The following MKRN2 variants were observed in gnomAD, a reference collection of about 807,000 sequenced individuals.
MKRN2 encodes the protein E3 ubiquitin-protein ligase makorin-2.
Under a neutral mutation model 45.4 loss-of-function variants are expected in MKRN2, and 32 were observed. The observed-to-expected ratio is 0.70, with a 90% confidence interval of 0.53 to 0.95. MKRN2 has a LOEUF of 0.95. MKRN2 is among the 40% of genes least tolerant of loss of function. MKRN2 has a pLI of 0.00. For missense variants in MKRN2, 526 were observed against 536.7 expected (o/e 0.98, Z 0.20); for synonymous variants, 206 against 192.4 (o/e 1.07, Z -0.59).
At chr3:12,570,854 G>A (rs1575519717) in intron 3 of MKRN2, among the ~76,000 whole-genome samples, 2 of 143,054 alleles carry the variant, frequency 1.4e-5, no homozygotes, top group Admixed American at 1.5e-4. Flanking sequence ...CTGCACTCCA[G>A]CCTGGATGAC....
intron 1 of MKRN2, among the ~76,000 whole-genome samples, chr3:12,557,987 T>A (rs144546560): frequency 6.6e-6 from 1 of 152,362 alleles, no homozygotes; most frequent in East Asian, 1.9e-4. Context: ...AGCTTGTGGC[T>A]TACTGGTAAT....
intron 1 of MKRN2, 132 bp from the exon 2 acceptor site, chr3:12,568,743 C>T (rs1399686642): frequency 3.4e-6 from 4 of 1,181,594 alleles, no homozygotes; most frequent in Non-Finnish European, 3.5e-6. Context: ...ATAGATCTCT[C>T]TCCAGTGCCT....
rs753601501 is a variant in MKRN2, at chr3:12,568,994, C to T, written c.146C>T (p.Thr49Ile). 37 of 1,613,810 alleles carry T rather than the reference C, an allele frequency of 2.3e-5. No individual in the cohort carries two copies. Among genetic ancestry groups the T allele is most frequent in the Admixed American group, 2.0e-4 (12 of 59,908 alleles). ...CAGAAGGGCTACTGTGCCTATGGAACTCGGTGCAGGCAAGGACTCTGCAAC... is the reference window on the plus strand; with the variant it reads ...CAGAAGGGCTACTGTGCCTATGGAATTCGGTGCAGGCAAGGACTCTGCAAC... Reference protein sequence around the residue: ...YYQKGYCAYGTRCRYDHTRPS... With the variant: ...YYQKGYCAYGIRCRYDHTRPS... Residue 49 changes from threonine to isoleucine, a missense_variant, in exon 2 of 8, where the codon ACT (threonine) becomes ATT (isoleucine). Physicochemically the swap from Thr to Ile is moderately conservative, Grantham distance 89 (BLOSUM62 -1). Coordinates refer to ENST00000170447, the MANE Select transcript of MKRN2 (RefSeq NM_014160.5).
chr3:12,569,205 AGGCT>A (rs2125303325), intron 2 of MKRN2, among the ~76,000 whole-genome samples: 1 of 151,428 alleles, frequency 6.6e-6, no homozygotes, highest in African/African-American at 2.4e-5. Context: ...ACTGTTGCCC[AGGCT>A]GGAGGGCAGT....
At position 12,557,129 on chromosome 3, in the gene MKRN2, A is replaced by G. The variant is rs1228704740; in HGVS notation, c.-22A>G. The G allele has an allele frequency of 4.0e-6, 6 of 1,498,836 alleles. No homozygotes were observed. The highest frequency in any genetic ancestry group is 1.5e-5 in the African/African-American group (1 of 68,878). 92.8% of individuals were successfully genotyped at this position (1,498,836 alleles called of 1,614,324 possible). On this transcript the variant is annotated 5_prime_UTR_variant, in exon 1 of 8. Transcript: ENST00000170447. ...GGCTGCGAGAGGCGGCGGCACGACG[A>G]CGGTCCCTCAGCCCAGCCACCATGA...
At chr3:12,559,529 A>C (rs1323338448) in intron 1 of MKRN2, among the ~76,000 whole-genome samples, 1 of 152,178 alleles carries the variant, frequency 6.6e-6, no homozygotes, top group Non-Finnish European at 1.5e-5. Context: ...GAATGACAGC[A>C]GAATAATGTC....
chr3:12,578,444 A>G (rs1280196622), intron 6 of MKRN2, among the ~76,000 whole-genome samples: 2 of 151,134 alleles, frequency 1.3e-5, no homozygotes, highest in African/African-American at 2.4e-5. Flanking sequence ...CAGCCTCCCA[A>G]GAAGGTGGGA....
At chr3:12,557,264 A>G in intron 1 of MKRN2, 88 bp downstream of exon 1, 1 of 1,477,626 alleles carries the variant, frequency 6.8e-7, no homozygotes, top group South Asian at 1.3e-5. Context: ...CGGGAACCTG[A>G]GGCTAGAGCG....
intron 5 of MKRN2, among the ~76,000 whole-genome samples, chr3:12,575,830 T>C (rs1403113529): frequency 1.3e-5 from 2 of 152,150 alleles, no homozygotes; most frequent in African/African-American, 2.4e-5. Context: ...TCAGAGTTCA[T>C]CCCGACTGTA....
At position 12,574,810 on chromosome 3, in the gene MKRN2, G is replaced by A. The variant is rs199957684; in HGVS notation, c.661G>A (p.Glu221Lys). 173 of 1,613,434 alleles carry A rather than the reference G, an allele frequency of 1.1e-4. No individual in the cohort carries two copies. Among genetic ancestry groups the A allele is most frequent in the Non-Finnish European group, 1.3e-4 (158 of 1,179,910 alleles). The change falls in exon 5 of 8, where the codon GAA becomes AAA. Residue 221 changes from glutamate to lysine, a missense_variant. Glu to Lys is a moderately conservative substitution (Grantham distance 56, BLOSUM62 1). Coordinates refer to ENST00000170447, the MANE Select transcript of MKRN2 (RefSeq NM_014160.5). The stretch of plus-strand genomic sequence containing the variant: ...GCTTCAGATCTGCATGTTGACGTTC[G>A]AACACGAGATGGAAAAGGCCTTTGC... ...AHEKICMLTF[E>K]HEMEKAFAFQ... is the part of the protein sequence containing the mutation.
At chr3:12,563,848 G>T (rs1054172869) in intron 1 of MKRN2, among the ~76,000 whole-genome samples, 1 of 23,240 alleles carries the variant, frequency 4.3e-5, no homozygotes, top group Non-Finnish European at 9.5e-5. Flanking sequence ...TTATGCATTC[G>T]TCCATTAGCG....
intron 1 of MKRN2, among the ~76,000 whole-genome samples, chr3:12,558,490 C>T (rs1479080698): frequency 2.0e-5 from 3 of 152,306 alleles, no homozygotes; most frequent in Middle Eastern, 6.8e-3. Flanking sequence ...TTAATTCTAC[C>T]ATTTATTCCC....
At chr3:12,559,886 A>G (rs1000771687) in intron 1 of MKRN2, among the ~76,000 whole-genome samples, 10 of 152,162 alleles carry the variant, frequency 6.6e-5, no homozygotes, top group Admixed American at 5.9e-4. Flanking sequence ...CATAATCACT[A>G]TTAGAAGACA....
In MKRN2 at chr3:12,574,866, T is replaced by C. The variant is rs141698779; in HGVS notation, c.717T>C (p.Ser239=). 6.2e-7 allele frequency: 1 copy of C among 1,614,244 alleles called. No homozygotes were observed. Among genetic ancestry groups the C allele is most frequent in the Non-Finnish European group, 8.5e-7 (1 of 1,180,034 alleles). The part of the protein sequence containing the change: ...AFQASQDKVC[S]ICMEVILEKA... Reference sequence around the variant, plus strand: ...AGGCAAGCCAGGACAAAGTGTGCAGTATCTGCATGGAAGTGATCCTGGAGA... The same window carrying C: ...AGGCAAGCCAGGACAAAGTGTGCAGCATCTGCATGGAAGTGATCCTGGAGA... Residue 239 remains serine, a synonymous_variant, in exon 5 of 8, where the codon AGT becomes AGC. Coordinates refer to ENST00000170447, the MANE Select transcript of MKRN2 (RefSeq NM_014160.5).
chr3:12,577,272 G>A (rs965000737), intron 6 of MKRN2: 2 of 152,012 alleles, frequency 1.3e-5, no homozygotes, highest in African/African-American at 4.8e-5. Flanking sequence ...TTGTCAGCAT[G>A]TTGATATTTT....
At chr3:12,569,189 T>TA (rs991038602) in intron 2 of MKRN2, among the ~76,000 whole-genome samples, 186 bp downstream of exon 2, 1 of 151,522 alleles carries the variant, frequency 6.6e-6, no homozygotes, top group African/African-American at 2.4e-5. Context: ...TGAGATAGAG[T>TA]CTCTCACTGT....
chr3:12,558,804 G>A (rs1045112467), intron 1 of MKRN2, among the ~76,000 whole-genome samples: 3 of 152,188 alleles, frequency 2.0e-5, no homozygotes, highest in Non-Finnish European at 4.4e-5. Flanking sequence ...ATGTTGAGAA[G>A]GGATCACTTC....
intron 5 of MKRN2, among the ~76,000 whole-genome samples, chr3:12,575,696 A>G (rs1360031479): frequency 1.3e-5 from 2 of 152,170 alleles, no homozygotes; most frequent in Non-Finnish European, 2.9e-5. Flanking sequence ...AAAGCCCACA[A>G]TTTAACTCAC....
At position 12,583,657 on chromosome 3, in the gene MKRN2, A is replaced by AACTGTATTTTGTCAGGTGCAAT. The variant is rs1410308442; in HGVS notation, c.*1406_*1427dup. ...TAACATAATTGAGGGACCATCAGAT[A>AACTGTATTTTGTCAGGTGCAAT]ACTGTATTTTGTCAGGTGCAATAAA... On this transcript the variant is annotated 3_prime_UTR_variant, in exon 8 of 8. Transcript: ENST00000170447. 1 of 233,142 alleles carries AACTGTATTTTGTCAGGTGCAAT rather than the reference A, an allele frequency of 4.3e-6. No individual in the cohort carries two copies. Among genetic ancestry groups the AACTGTATTTTGTCAGGTGCAAT allele is most frequent in the Admixed American group, 5.6e-5 (1 of 17,780 alleles). 14.4% of individuals were successfully genotyped at this position (233,142 alleles called of 1,614,324 possible). A position where few individuals can be genotyped will look rare whatever the true frequency, so the allele number is the denominator to read the frequency against.
Sources: allele counts gnomAD v4.1 joint callset (sites outside exome capture counted in the v4.1 genomes callset), GRCh38; gene constraint gnomAD v4.1.1; transcripts MANE v1.5; gene names NCBI Gene and HGNC (gene_info 2026-07-23, HGNC 2026-07-21).